Variants in AP1B1 observed in about 807,000 individuals in gnomAD.
The protein encoded by AP1B1 is AP-1 complex subunit beta-1.
AP1B1 carries 36 observed loss-of-function variants against 104.3 expected under a neutral mutation model. That is an observed-to-expected ratio of 0.35 (90% CI 0.26 to 0.46). The LOEUF (loss-of-function observed/expected upper bound fraction) is 0.46, where lower values mean the gene tolerates loss of function less well. Ranked by LOEUF, AP1B1 falls within the 20% of genes least tolerant of loss-of-function variation. AP1B1 has a pLI of 1.00. For missense variants in AP1B1, 901 were observed against 1,247.9 expected, an observed-to-expected ratio of 0.72 and a Z score of 4.19; for synonymous variants, 504 against 517.5, an observed-to-expected ratio of 0.97 and a Z score of 0.35.
intron 1 of AP1B1, among the ~76,000 whole-genome samples, chr22:29,370,172 G>T (rs535800440): frequency 1.3e-5 from 2 of 152,218 alleles, no homozygotes; most frequent in South Asian, 4.1e-4. Context: ...AACAAAAGTG[G>T]CCGGGCGTGG....
chr22:29,336,853 C>A (rs370656885), intron 16 of AP1B1, among the ~76,000 whole-genome samples: 1 of 151,748 alleles, frequency 6.6e-6, no homozygotes, highest in Non-Finnish European at 1.5e-5. Flanking sequence ...TGCCAGCTTG[C>A]CAAAGGCCAG....
intron 11 of AP1B1, 121 bp from the exon 12 acceptor site, chr22:29,342,504 T>C: frequency 1.3e-6 from 1 of 789,402 alleles, no homozygotes; most frequent in East Asian, 2.7e-5. Flanking sequence ...ATAGCTATTC[T>C]AGGTTTGGGG....
chr22:29,346,417 T>A (rs1053429615), intron 11 of AP1B1, among the ~76,000 whole-genome samples: 2 of 152,084 alleles, frequency 1.3e-5, no homozygotes, highest in African/African-American at 4.8e-5. Context: ...TGGGGGATGG[T>A]TTCAGGATGA....
At position 29,341,669 on chromosome 22, in the gene AP1B1, G is replaced by A. The variant is rs1330929182; in HGVS notation, c.1628C>T (p.Ala543Val). The change falls in exon 13 of 23, where the codon GCT (alanine) becomes GTT (valine). Residue 543 changes from alanine (A) to valine (V), a missense_variant. Physicochemically the swap from Ala to Val is moderately conservative, Grantham distance 64. Coordinates refer to ENST00000357586, the MANE Select transcript of AP1B1 (RefSeq NM_001127.4). ...DPVAAKEVVL[A>V]EKPLISEETD... The stretch of plus-strand genomic sequence containing the variant: ...CTCTTCAGAGATGAGTGGCTTCTCA[G>A]CCAACACCACCTCCTTGGCTGCCAC... 1 of 1,614,228 alleles carries A rather than the reference G, an allele frequency of 6.2e-7. No homozygotes were observed. Among genetic ancestry groups the A allele is most frequent in the South Asian group, 1.1e-5 (1 of 91,088 alleles).
At chr22:29,388,132 T>C (rs1300121567) in intron 1 of AP1B1, among the ~76,000 whole-genome samples, 1 of 152,168 alleles carries the variant, frequency 6.6e-6, no homozygotes, top group Admixed American at 6.5e-5. Context: ...CCCGAAGAGT[T>C]TTCCCTCAGG....
chr22:29,334,306 C>T lies in AP1B1; in HGVS notation c.2268G>A (p.Leu756=), dbSNP rs764677256. 9.3e-6 allele frequency: 15 copies of T among 1,608,810 alleles called. No individual in the cohort carries two copies. The highest frequency in any genetic ancestry group is 1.2e-5 in the Non-Finnish European group (14 of 1,178,428). ...SMDLQLTNKA[L]QVMTDFAIQF... ...GGATGGCAAAGTCGGTCATGACCTG[C>T]AAGGCCTTGTTGGTCAGCTGCAGGT... Residue 756 remains leucine, a synonymous_variant, in exon 17 of 23, where the codon TTG becomes TTA. Coordinates refer to ENST00000357586, the MANE Select transcript of AP1B1 (RefSeq NM_001127.4).
chr22:29,329,782 T>G, intron 21 of AP1B1, 62 bp from the exon 22 acceptor site: 1 of 1,609,164 alleles, frequency 6.2e-7, no homozygotes, highest in East Asian at 2.2e-5. Context: ...GAGACGGAAG[T>G]TACCACCACC....
In AP1B1 at chr22:29,354,768, A is replaced by G. The variant is rs144084297; in HGVS notation, c.820T>C (p.Leu274=). 2.2e-4 allele frequency: 356 copies of G among 1,614,138 alleles called. 1 individual carries two copies. The African/African-American group carries it at 3.1e-3, about 14-fold the overall frequency. ...MKFMEMLSKD[L]DYYGTLLKKL... is the part of the protein sequence containing the mutation. Reference sequence around the variant, plus strand: ...TTGAGCAGTGTGCCGTAGTAGTCCAAGTCCTTAGACAACATCTCCATGAAC... The same window carrying G: ...TTGAGCAGTGTGCCGTAGTAGTCCAGGTCCTTAGACAACATCTCCATGAAC... The change falls in exon 7 of 23, where the codon TTG becomes CTG. Residue 274 remains leucine (L), a synonymous_variant. Coordinates refer to ENST00000357586, the MANE Select transcript of AP1B1 (RefSeq NM_001127.4).
rs751837097 is a variant in AP1B1 at position 29,341,670 on chromosome 22, C to T, written c.1627G>A (p.Ala543Thr). 6.2e-7 allele frequency: 1 copy of T among 1,614,212 alleles called. No homozygotes were observed. The highest frequency in any genetic ancestry group is 2.2e-5 in the East Asian group (1 of 44,888). ...DPVAAKEVVL[A>T]EKPLISEETD... ...TCTTCAGAGATGAGTGGCTTCTCAG[C>T]CAACACCACCTCCTTGGCTGCCACC... The change falls in exon 13 of 23, where the codon GCT becomes ACT. Residue 543 changes from alanine to threonine, a missense_variant. Ala to Thr is a moderately conservative substitution (Grantham distance 58). Transcript: ENST00000357586.
intron 2 of AP1B1, among the ~76,000 whole-genome samples, chr22:29,365,414 C>A (rs1452871188): frequency 6.6e-6 from 1 of 152,108 alleles, no homozygotes; most frequent in Non-Finnish European, 1.5e-5. Flanking sequence ...GGGAGAATTG[C>A]TTGAACCCAG....
rs562640772 is a variant in AP1B1, at chr22:29,342,180, C to T, written c.1536+105G>A. The T allele has an allele frequency of 2.1e-3, 1,890 of 906,452 alleles. 5 individuals are homozygous for T. Among genetic ancestry groups the T allele is most frequent in the Non-Finnish European group, 2.9e-3 (1,709 of 598,222 alleles). 56.2% of individuals were successfully genotyped at this position (906,452 alleles called of 1,614,324 possible). ...GAAGCCAGTCCCACCCACAAGATAC[C>T]TGTCTTAGGAGCGGGCCTGGCTTCC... On this transcript the variant is annotated intron_variant, in intron 12 of 22. Transcript: ENST00000357586.
intron 3 of AP1B1, among the ~76,000 whole-genome samples, chr22:29,360,780 G>A (rs919919299): frequency 6.6e-6 from 1 of 152,220 alleles, no homozygotes; most frequent in Non-Finnish European, 1.5e-5. Context: ...TGGTCCCAGA[G>A]TCACAGGCCT....
chr22:29,348,096 A>G (rs2061819250), intron 11 of AP1B1, among the ~76,000 whole-genome samples: 1 of 152,250 alleles, frequency 6.6e-6, no homozygotes, highest in African/African-American at 2.4e-5. Flanking sequence ...ATGAGAGGGC[A>G]GTGTAGATAC....
intron 4 of AP1B1, among the ~76,000 whole-genome samples, 199 bp from the exon 5 acceptor site, chr22:29,359,170 C>T (rs1326657422): frequency 3.9e-5 from 6 of 152,226 alleles, no homozygotes; most frequent in Admixed American, 3.9e-4. Context: ...CACACCATCT[C>T]CTCTGATCCT....
intron 1 of AP1B1, among the ~76,000 whole-genome samples, chr22:29,386,553 T>A (rs1253158485): frequency 1.3e-5 from 2 of 152,158 alleles, no homozygotes; most frequent in Admixed American, 1.3e-4. Context: ...CTGTGACAAG[T>A]TGCTTCATCT....
In AP1B1 at chr22:29,330,583, T is replaced by C. The variant is rs1348508926; in HGVS notation, c.2611+40A>G. On this transcript the variant is annotated intron_variant, in intron 20 of 22. Coordinates refer to ENST00000357586, the MANE Select transcript of AP1B1 (RefSeq NM_001127.4). Reference sequence around the variant, plus strand: ...GCCCCAGTCAGCGCGGGGGCCTGGGTACAGGCGAGGGGCTGGGGTCGGGGG... The same window carrying C: ...GCCCCAGTCAGCGCGGGGGCCTGGGCACAGGCGAGGGGCTGGGGTCGGGGG... 3 of 1,613,072 alleles carry C rather than the reference T, an allele frequency of 1.9e-6. No individual in the cohort carries two copies. The African/African-American group carries it at 4.0e-5, about 22-fold the overall frequency.
intron 15 of AP1B1, among the ~76,000 whole-genome samples, 162 bp downstream of exon 15, chr22:29,339,592 C>T (rs1000023895): frequency 2.0e-5 from 3 of 151,788 alleles, no homozygotes; most frequent in African/African-American, 7.3e-5. Flanking sequence ...CAGCCGGATG[C>T]CAGGTGGTCA....
chr22:29,330,470 C>T lies in AP1B1; in HGVS notation c.2674G>A (p.Gly892Ser), dbSNP rs753460922. 1 of 1,613,586 alleles carries T rather than the reference C, an allele frequency of 6.2e-7. No homozygotes were observed. The highest frequency in any genetic ancestry group is 2.2e-5 in the East Asian group (1 of 44,850). The change falls in exon 21 of 23, where the codon GGC becomes AGC. Residue 892 changes from glycine to serine, a missense_variant. By Grantham distance (56) the Gly-to-Ser change is moderately conservative. Transcript: ENST00000357586. Reference protein sequence around the residue: ...IFTVAKRNVEGQDMLYQSLKL... With the variant: ...IFTVAKRNVESQDMLYQSLKL... Reference sequence around the variant, plus strand: ...AGGGACTGGTAGAGCATGTCCTGGCCCTCCACGTTCCTCTTGGCGACAGTG... The same window carrying T: ...AGGGACTGGTAGAGCATGTCCTGGCTCTCCACGTTCCTCTTGGCGACAGTG...
intron 2 of AP1B1, among the ~76,000 whole-genome samples, chr22:29,364,404 C>T (rs1260471657): frequency 2.6e-5 from 4 of 152,140 alleles, no homozygotes; most frequent in Admixed American, 6.6e-5. Flanking sequence ...GATGTCATTT[C>T]CTGACCCCTT....
Sources: allele counts gnomAD v4.1 joint callset (sites outside exome capture counted in the v4.1 genomes callset), GRCh38; gene constraint gnomAD v4.1.1; transcripts MANE v1.5; gene names NCBI Gene and HGNC (gene_info 2026-07-23, HGNC 2026-07-21).